The following CADM2 variants were observed in gnomAD, a reference collection of about 807,000 sequenced individuals.
The protein encoded by CADM2 is cell adhesion molecule 2.
Under a neutral mutation model 49.8 loss-of-function variants are expected in CADM2, and 12 were observed. That is an observed-to-expected ratio of 0.24 (90% CI 0.15 to 0.39). The LOEUF is 0.39. Ranked by LOEUF, CADM2 falls within the 10% of genes least tolerant of loss-of-function variation. The pLI, the probability that CADM2 is intolerant of heterozygous loss-of-function variation, is 1.00. For missense variants in CADM2, 378 were observed against 492.3 expected (o/e 0.77, Z 2.20); for synonymous variants, 214 against 175.4 (o/e 1.22, Z -1.74).
At chr3:85,396,663 G>A (rs1008643051) in intron 1 of CADM2, among the ~76,000 whole-genome samples, 3 of 151,906 alleles carry the variant, frequency 2.0e-5, no homozygotes, top group Non-Finnish European at 4.4e-5. Flanking sequence ...ATAAGCCAAT[G>A]GCAAAAGGAC....
chr3:85,552,274 G>C (rs1478865381), intron 1 of CADM2, among the ~76,000 whole-genome samples: 1 of 149,926 alleles, frequency 6.7e-6, no homozygotes, highest in East Asian at 2.0e-4. Context: ...TATGACATTT[G>C]ACTATGACAT....
rs1265551709 is a variant in CADM2 at position 84,982,739 on chromosome 3, T to G, written c.61+23071T>G. Reference sequence around the variant, plus strand: ...TATATATATATATATATATATACATTTTTTGTTTTTTTAATTTTTTTTTTG... The same window carrying G: ...TATATATATATATATATATATACATGTTTTGTTTTTTTAATTTTTTTTTTG... On this transcript the variant is annotated intron_variant, in intron 1 of 9. Transcript: ENST00000383699. Among the ~76,000 whole-genome samples, 7 of 58,068 alleles carry G rather than the reference T, an allele frequency of 1.2e-4. No individual in the cohort carries two copies. The East Asian group carries it at 2.1e-3, about 17-fold the overall frequency. 38.1% of individuals were successfully genotyped at this position (58,068 alleles called of 152,430 possible). A position where few individuals can be genotyped will look rare whatever the true frequency, so the allele number is the denominator to read the frequency against.
chr3:85,769,529 GTATATATACACGTATATACATATATGTA>G (rs2069927938), intron 2 of CADM2, among the ~76,000 whole-genome samples: 1 of 94,380 alleles, frequency 1.1e-5, no homozygotes, highest in Non-Finnish European at 1.8e-5. Flanking sequence ...ATACATATAT[GTATATATACACGTATATACATATATGTA>G]TATATACACG....
chr3:85,716,125 G>A (rs899329748), intron 1 of CADM2, among the ~76,000 whole-genome samples: 3 of 152,184 alleles, frequency 2.0e-5, no homozygotes, highest in Non-Finnish European at 2.9e-5. Flanking sequence ...CCCATCAACA[G>A]TGTAAAAGTG....
At chr3:85,353,362 AT>A (rs1193992973) in intron 1 of CADM2, among the ~76,000 whole-genome samples, 10 of 151,924 alleles carry the variant, frequency 6.6e-5, no homozygotes, top group African/African-American at 2.4e-4. Context: ...CAGTTGTATA[AT>A]TTTCATGTTT....
intron 2 of CADM2, among the ~76,000 whole-genome samples, chr3:85,735,608 C>T (rs1209007035): frequency 6.6e-6 from 1 of 151,970 alleles, no homozygotes; most frequent in Non-Finnish European, 1.5e-5. Flanking sequence ...TGTTTGGATG[C>T]TTTTCCAAGA....
chr3:85,477,286 T>G (rs2107619795), intron 1 of CADM2, among the ~76,000 whole-genome samples: 1 of 136,572 alleles, frequency 7.3e-6, no homozygotes, highest in East Asian at 2.2e-4. Flanking sequence ...AGACACGTAT[T>G]AGTTATTTAT....
intron 1 of CADM2, among the ~76,000 whole-genome samples, chr3:85,462,282 A>C (rs375033880): frequency 1.3e-5 from 2 of 152,146 alleles, no homozygotes; most frequent in Non-Finnish European, 2.9e-5. Flanking sequence ...TGTGAATTTA[A>C]CTCTAATGAC....
intron 3 of CADM2, among the ~76,000 whole-genome samples, chr3:85,807,941 A>G (rs1200176080): frequency 2.6e-5 from 4 of 152,186 alleles, no homozygotes; most frequent in African/African-American, 9.6e-5. Context: ...ATTGTGGCAC[A>G]GGAGACAGAG....
chr3:85,576,318 G>A (rs1576846241), intron 1 of CADM2, among the ~76,000 whole-genome samples: 1 of 152,110 alleles, frequency 6.6e-6, no homozygotes, highest in Non-Finnish European at 1.5e-5. Flanking sequence ...GGTCCTCAAA[G>A]CTGAGAAAGC....
At chr3:85,041,438 C>T (rs867104630) in intron 1 of CADM2, among the ~76,000 whole-genome samples, 1 of 151,996 alleles carries the variant, frequency 6.6e-6, no homozygotes, top group South Asian at 2.1e-4. Context: ...AGGAGAAAGA[C>T]GGAAGTGGGA....
At chr3:85,335,868 T>C (rs568829295) in intron 1 of CADM2, among the ~76,000 whole-genome samples, 1 of 151,560 alleles carries the variant, frequency 6.6e-6, no homozygotes, top group East Asian at 1.9e-4. Flanking sequence ...AATTCATTAC[T>C]TTCTGTTTCC....
intron 1 of CADM2, among the ~76,000 whole-genome samples, chr3:85,529,625 A>G (rs929950359): frequency 3.9e-5 from 6 of 152,048 alleles, no homozygotes; most frequent in Non-Finnish European, 7.4e-5. Context: ...AAATTAAAAC[A>G]TGGTCTACCT....
intron 3 of CADM2, among the ~76,000 whole-genome samples, chr3:85,814,345 A>T (rs1438825619): frequency 6.6e-6 from 1 of 151,972 alleles, no homozygotes; most frequent in South Asian, 2.1e-4. Context: ...CTCTGTTTGT[A>T]TGTTATTGAT....
chr3:85,552,427 C>T (rs1559905016), intron 1 of CADM2, among the ~76,000 whole-genome samples: 1 of 127,664 alleles, frequency 7.8e-6, no homozygotes, highest in Non-Finnish European at 1.5e-5. Flanking sequence ...GTTGCCCAGG[C>T]TGGAGTGCAG....
chr3:85,722,564 A>G (rs2067545725), intron 1 of CADM2, among the ~76,000 whole-genome samples: 1 of 152,208 alleles, frequency 6.6e-6, no homozygotes, highest in Admixed American at 6.5e-5. Flanking sequence ...CTTGCTAACT[A>G]TTTACAAAAT....
intron 1 of CADM2, among the ~76,000 whole-genome samples, chr3:85,548,557 A>ATAC: frequency 6.6e-6 from 1 of 151,906 alleles, no homozygotes; most frequent in Non-Finnish European, 1.5e-5. Context: ...CAGAATAATA[A>ATAC]GAAACAGCAG....
intron 1 of CADM2, among the ~76,000 whole-genome samples, chr3:85,140,168 C>T (rs1464119999): frequency 6.6e-6 from 1 of 152,124 alleles, no homozygotes; most frequent in Non-Finnish European, 1.5e-5. Context: ...CAAAAGCCTC[C>T]CACTCTACCG....
At chr3:85,191,441 TAGTCTTC>T (rs1168309894) in intron 1 of CADM2, among the ~76,000 whole-genome samples, 2 of 152,132 alleles carry the variant, frequency 1.3e-5, no homozygotes, top group African/African-American at 4.8e-5. Flanking sequence ...TATTAATATT[TAGTCTTC>T]AGTACAATGC....
Sources: allele counts gnomAD v4.1 joint callset (sites outside exome capture counted in the v4.1 genomes callset), GRCh38; gene constraint gnomAD v4.1.1; transcripts MANE v1.5; gene names NCBI Gene and HGNC (gene_info 2026-07-23, HGNC 2026-07-21).